Variants in ADGRL3 observed in about 807,000 individuals in gnomAD.
The protein encoded by ADGRL3 is calcium-independent alpha-latrotoxin receptor 3.
A neutral mutation model predicts 153.5 loss-of-function variants in ADGRL3; 62 were observed. The observed-to-expected ratio is 0.40, with a 90% CI of 0.33 to 0.50. ADGRL3 has a LOEUF of 0.50. Among genes scored for constraint, ADGRL3 ranks in the 20% least tolerant of loss-of-function variants. ADGRL3 has a pLI of 0.47. For missense variants in ADGRL3, 1,641 were observed against 1,859.4 expected, an observed-to-expected ratio of 0.88 and a Z score of 2.16; for synonymous variants, 710 against 672.5, an observed-to-expected ratio of 1.06 and a Z score of -0.86.
chr4:61,821,658 G>A (rs1470722), intron 9 of ADGRL3, among the ~76,000 whole-genome samples: 8,158 of 152,040 alleles, frequency 0.054, 370 homozygotes, highest in African/African-American at 0.12. Context: ...TATACTCTGA[G>A]ACAAAGCTAA....
At chr4:61,776,498 C>A in intron 8 of ADGRL3, among the ~76,000 whole-genome samples, 1 of 151,970 alleles carries the variant, frequency 6.6e-6, no homozygotes, top group Non-Finnish European at 1.5e-5. Context: ...GGGTCAGGGT[C>A]TGAAATCAAC....
intron 1 of ADGRL3, among the ~76,000 whole-genome samples, chr4:61,310,960 GC>G (rs2094978750): frequency 2.0e-5 from 3 of 151,572 alleles, no homozygotes; most frequent in Non-Finnish European, 4.4e-5. Context: ...TATCTTAGGT[GC>G]CTTATATTGC....
chr4:61,548,109 G>T (rs540220312), intron 4 of ADGRL3, among the ~76,000 whole-genome samples: 1 of 152,084 alleles, frequency 6.6e-6, no homozygotes, highest in Non-Finnish European at 1.5e-5. Context: ...CATGTCCTTT[G>T]CCCATGTTTA....
intron 5 of ADGRL3, among the ~76,000 whole-genome samples, chr4:61,604,234 G>T (rs1384632956): frequency 6.6e-6 from 1 of 152,054 alleles, no homozygotes; most frequent in East Asian, 1.9e-4. Flanking sequence ...TTCTGATTTT[G>T]AGCTGAGACC....
At chr4:61,486,699 T>C (rs1163883725) in intron 2 of ADGRL3, among the ~76,000 whole-genome samples, 2 of 152,218 alleles carry the variant, frequency 1.3e-5, no homozygotes, top group African/African-American at 2.4e-5. Flanking sequence ...CTCTTACTGA[T>C]TGAAATCATA....
chr4:61,897,138 C>A (rs2098636387), intron 11 of ADGRL3, among the ~76,000 whole-genome samples: 1 of 152,124 alleles, frequency 6.6e-6, no homozygotes, highest in African/African-American at 2.4e-5. Context: ...AAAGACCAGA[C>A]AGCTGTTGTC....
chr4:61,535,624 T>C (rs572681634), intron 4 of ADGRL3, among the ~76,000 whole-genome samples: 1 of 152,058 alleles, frequency 6.6e-6, no homozygotes, highest in South Asian at 2.1e-4. Flanking sequence ...AACTAATTAT[T>C]GGCCTGTTCA....
chr4:61,372,118 G>T (rs1291278573), intron 1 of ADGRL3, among the ~76,000 whole-genome samples: 2 of 151,938 alleles, frequency 1.3e-5, no homozygotes, highest in African/African-American at 4.8e-5. Context: ...GGTTATTCTA[G>T]TTATACATTC....
intron 12 of ADGRL3, among the ~76,000 whole-genome samples, chr4:61,912,272 C>T (rs1479292578): frequency 6.6e-6 from 1 of 152,020 alleles, no homozygotes; most frequent in Non-Finnish European, 1.5e-5. Context: ...TTGTGGTGTA[C>T]ATTAACCGTT....
intron 13 of ADGRL3, among the ~76,000 whole-genome samples, chr4:61,913,078 G>T: frequency 6.6e-6 from 1 of 151,872 alleles, no homozygotes; most frequent in East Asian, 1.9e-4. Flanking sequence ...TTTTTCATTG[G>T]GTCAGCCAAT....
At chr4:61,893,200 G>C (rs1480211868) in intron 10 of ADGRL3, among the ~76,000 whole-genome samples, 1 of 143,244 alleles carries the variant, frequency 7.0e-6, no homozygotes, top group Non-Finnish European at 1.5e-5. Flanking sequence ...CTTCACATTT[G>C]ACTAAATTCT....
chr4:61,560,279 T>C (rs28406418), intron 4 of ADGRL3, among the ~76,000 whole-genome samples: 31,604 of 152,020 alleles, frequency 0.21, 3,463 homozygotes, highest in Non-Finnish European at 0.23. Context: ...AAAAAACTGG[T>C]TCATAAGATA....
At chr4:61,474,038 A>C (rs771401870) in intron 2 of ADGRL3, among the ~76,000 whole-genome samples, 19 of 152,132 alleles carry the variant, frequency 1.2e-4, no homozygotes, top group Non-Finnish European at 1.8e-4. Flanking sequence ...GAAAAAAAAA[A>C]TCTGTGAATA....
intron 1 of ADGRL3, among the ~76,000 whole-genome samples, chr4:61,288,340 G>A (rs1425355569): frequency 6.6e-6 from 1 of 150,830 alleles, no homozygotes; most frequent in Non-Finnish European, 1.5e-5. Flanking sequence ...TACTTCCAAA[G>A]TGGTCCCTGT....
intron 8 of ADGRL3, among the ~76,000 whole-genome samples, chr4:61,764,386 A>AG (rs1446569264): frequency 7.1e-6 from 1 of 140,286 alleles, no homozygotes; most frequent in Non-Finnish European, 1.5e-5. Flanking sequence ...TTACAGTCCA[A>AG]GGGGGTTTGT....
chr4:61,500,109 T>C (rs557810230), intron 3 of ADGRL3, among the ~76,000 whole-genome samples: 4 of 151,622 alleles, frequency 2.6e-5, no homozygotes, highest in Admixed American at 2.0e-4. Flanking sequence ...ATCCCTAGTA[T>C]AATAATAGGA....
intron 13 of ADGRL3, among the ~76,000 whole-genome samples, chr4:61,914,131 T>C (rs546078801): frequency 6.6e-6 from 1 of 152,274 alleles, no homozygotes; most frequent in African/African-American, 2.4e-5. Context: ...TTTCTTTGGA[T>C]ATACTCTCGT....
intron 6 of ADGRL3, among the ~76,000 whole-genome samples, chr4:61,688,803 G>A (rs1479609051): frequency 3.9e-5 from 6 of 152,064 alleles, no homozygotes; most frequent in Admixed American, 3.9e-4. Context: ...TCAGATCACT[G>A]CTGGATTTTA....
intron 8 of ADGRL3, among the ~76,000 whole-genome samples, chr4:61,748,133 T>C (rs1419336851): frequency 2.0e-5 from 3 of 151,672 alleles, no homozygotes; most frequent in East Asian, 2.0e-4. Context: ...ATAAAATACC[T>C]AGGAATCCAA....
Sources: allele counts gnomAD v4.1 joint callset (sites outside exome capture counted in the v4.1 genomes callset), GRCh38; gene constraint gnomAD v4.1.1; transcripts MANE v1.5; gene names NCBI Gene and HGNC (gene_info 2026-07-23, HGNC 2026-07-21).